Variants in CSNK1G1 observed in about 807,000 individuals in gnomAD.
CSNK1G1 encodes the protein casein kinase 1 gamma 1, also known as casein kinase I isoform gamma-1.
In CSNK1G1, 22 loss-of-function variants were observed where a neutral mutation model predicts 59.6. The ratio of observed to expected loss-of-function variants is 0.37; its 90% CI spans 0.26 to 0.53. The LOEUF (loss-of-function observed/expected upper bound fraction) is 0.53. Among genes scored for constraint, CSNK1G1 ranks in the 20% least tolerant of loss-of-function variants. CSNK1G1 has a pLI of 0.89. For synonymous variants in CSNK1G1, 179 were observed against 177.1 expected, an observed-to-expected ratio of 1.01 and a Z score of -0.08; for missense variants, 384 against 519.5, an observed-to-expected ratio of 0.74 and a Z score of 2.54.
At chr15:64,226,883 A>T (rs2082469897) in intron 4 of CSNK1G1, among the ~76,000 whole-genome samples, 1 of 152,182 alleles carries the variant, frequency 6.6e-6, no homozygotes, top group African/African-American at 2.4e-5. Flanking sequence ...AAATGAGGTT[A>T]CCCAAAGTAC....
chr15:64,201,271 CAAAAAAAA>C (rs545719275), intron 10 of CSNK1G1, among the ~76,000 whole-genome samples: 12 of 65,030 alleles, frequency 1.8e-4, no homozygotes, highest in Non-Finnish European at 3.4e-5. Flanking sequence ...GACACTGTCT[CAAAAAAAA>C]AAAAAAAAAA....
At chr15:64,234,007 C>T (rs150712293) in intron 4 of CSNK1G1, among the ~76,000 whole-genome samples, 7 of 152,240 alleles carry the variant, frequency 4.6e-5, no homozygotes, top group Admixed American at 6.5e-5. Flanking sequence ...CTCTCCCTCC[C>T]GCTTCCTCTC....
intron 10 of CSNK1G1, among the ~76,000 whole-genome samples, chr15:64,189,033 G>A (rs2081935617): frequency 6.6e-6 from 1 of 152,112 alleles, no homozygotes; most frequent in South Asian, 2.1e-4. Context: ...GGCTGAAGCA[G>A]GAGAATTGCT....
intron 2 of CSNK1G1, among the ~76,000 whole-genome samples, chr15:64,273,091 T>C (rs186480804): frequency 1.3e-5 from 2 of 152,334 alleles, no homozygotes; most frequent in East Asian, 1.9e-4. Context: ...CAAGAACCTA[T>C]TGATGAAGTT....
At chr15:64,231,341 TA>T (rs1362813812) in intron 4 of CSNK1G1, among the ~76,000 whole-genome samples, 1 of 147,204 alleles carries the variant, frequency 6.8e-6, no homozygotes, top group Non-Finnish European at 1.5e-5. Context: ...ATATATATAT[TA>T]TATATATATT....
At chr15:64,324,373 C>T (rs1293550486) in intron 1 of CSNK1G1, among the ~76,000 whole-genome samples, 3 of 152,056 alleles carry the variant, frequency 2.0e-5, no homozygotes, top group Admixed American at 6.6e-5. Flanking sequence ...ACCATCTAAT[C>T]AGCTGCCAAA....
In CSNK1G1 at chr15:64,300,590, A is replaced by G; in HGVS notation, c.-91T>C. The G allele has an allele frequency of 6.8e-7, 1 of 1,465,880 alleles. No homozygotes were observed. Among genetic ancestry groups the G allele is most frequent in the East Asian group, 2.4e-5 (1 of 42,418 alleles). 90.8% of individuals were successfully genotyped at this position (1,465,880 alleles called of 1,614,324 possible). On this transcript the variant is annotated 5_prime_UTR_variant, in exon 2 of 12. Coordinates refer to ENST00000303052, the MANE Select transcript of CSNK1G1 (RefSeq NM_022048.5). Reference sequence around the variant, plus strand: ...ACAAAAGTATGTCCAAATAAATTGTAGTCAGAGAAAGGTAAGGAGTTCTTT... The same window carrying G: ...ACAAAAGTATGTCCAAATAAATTGTGGTCAGAGAAAGGTAAGGAGTTCTTT...
intron 1 of CSNK1G1, among the ~76,000 whole-genome samples, chr15:64,326,314 C>T (rs1896831292): frequency 6.6e-6 from 1 of 152,158 alleles, no homozygotes; most frequent in Admixed American, 6.5e-5. Flanking sequence ...GTGTGAGCCA[C>T]CATGCCTGGC....
At chr15:64,236,155 AAAAAAAGAAAAG>A (rs1192693120) in intron 4 of CSNK1G1, among the ~76,000 whole-genome samples, 1 of 150,322 alleles carries the variant, frequency 6.7e-6, no homozygotes. Context: ...AAAAAAAAAA[AAAAAAAGAAAAG>A]AAAAGAAAAG....
At chr15:64,304,470 T>A (rs1008413970) in intron 1 of CSNK1G1, among the ~76,000 whole-genome samples, 6 of 150,708 alleles carry the variant, frequency 4.0e-5, no homozygotes, top group Non-Finnish European at 7.4e-5. Context: ...ACTTAAGAAA[T>A]TAAAGTTACT....
chr15:64,277,657 CAATATTGATATATTTAAT>C (rs1566930120), intron 2 of CSNK1G1, among the ~76,000 whole-genome samples: 6 of 113,922 alleles, frequency 5.3e-5, no homozygotes, highest in African/African-American at 2.2e-4. Flanking sequence ...AATAATATAG[CAATATTGATATATTTAAT>C]AATATAGCAA....
chr15:64,296,937 C>CTTTTTT (rs960068624), intron 2 of CSNK1G1, among the ~76,000 whole-genome samples: 25 of 89,664 alleles, frequency 2.8e-4, no homozygotes, highest in African/African-American at 5.4e-4. Flanking sequence ...ACTATCGTTA[C>CTTTTTT]TTTTTTTTTT....
chr15:64,244,647 C>T (rs556992817), intron 4 of CSNK1G1, among the ~76,000 whole-genome samples: 2 of 152,228 alleles, frequency 1.3e-5, no homozygotes, highest in East Asian at 3.9e-4. Flanking sequence ...CTTTGGGAGG[C>T]TGAGGCAGGT....
chr15:64,313,097 G>T (rs1896081337), intron 1 of CSNK1G1, among the ~76,000 whole-genome samples: 2 of 152,036 alleles, frequency 1.3e-5, no homozygotes, highest in Non-Finnish European at 2.9e-5. Context: ...AAAAAGTCAG[G>T]AAACAGATGC....
At chr15:64,195,223 G>T (rs192522084) in intron 10 of CSNK1G1, 105 of 152,314 alleles carry the variant, frequency 6.9e-4, no homozygotes, top group African/African-American at 2.5e-3. Context: ...ACATTTTGGG[G>T]TAGGATACCA....
chr15:64,251,320 T>TC, intron 4 of CSNK1G1, 192 bp downstream of exon 4: 1 of 512,370 alleles, frequency 2.0e-6, no homozygotes, highest in Non-Finnish European at 3.5e-6. Context: ...GCAACACAGT[T>TC]CCCCTGTCAA....
At chr15:64,267,969 A>G (rs1893073739) in intron 2 of CSNK1G1, among the ~76,000 whole-genome samples, 1 of 152,118 alleles carries the variant, frequency 6.6e-6, no homozygotes, top group African/African-American at 2.4e-5. Flanking sequence ...AAAGTAAAAT[A>G]AATTTTATTT....
At chr15:64,293,134 T>A (rs1018432509) in intron 2 of CSNK1G1, among the ~76,000 whole-genome samples, 3 of 151,924 alleles carry the variant, frequency 2.0e-5, no homozygotes, top group South Asian at 4.1e-4. Context: ...AGATTCCCCA[T>A]GATTTTCAGT....
chr15:64,279,312 T>C (rs1893993555), intron 2 of CSNK1G1, among the ~76,000 whole-genome samples: 1 of 152,206 alleles, frequency 6.6e-6, no homozygotes, highest in Admixed American at 6.5e-5. Context: ...CCAAAGGTAA[T>C]CTGTTTTGAC....
Sources: gnomAD v4.1 joint callset for allele counts (sites outside exome capture counted in the v4.1 genomes callset) on GRCh38, gnomAD v4.1.1 for gene constraint, MANE v1.5 for transcripts, NCBI Gene and HGNC (gene_info 2026-07-23, HGNC 2026-07-21) for gene names.